ABLIM2: variants seen among roughly 807,000 people sequenced by gnomAD.
ABLIM2 encodes actin binding LIM protein family member 2, also known as actin-binding LIM protein 2.
In ABLIM2, 53 loss-of-function variants were observed where a neutral mutation model predicts 97.7. That is an observed-to-expected ratio of 0.54 (90% CI 0.44 to 0.68). The LOEUF (loss-of-function observed/expected upper bound fraction) is 0.68, where lower values mean the gene tolerates loss of function less well. ABLIM2 is among the 30% of genes least tolerant of loss of function. ABLIM2 has a pLI of 0.00. For synonymous variants in ABLIM2, 361 were observed against 345.8 expected (o/e 1.04, Z -0.49); for missense variants, 835 against 867.2 (o/e 0.96, Z 0.47).
intron 14 of ABLIM2, among the ~76,000 whole-genome samples, chr4:8,011,051 C>T (rs1173075559): frequency 1.3e-5 from 2 of 152,220 alleles, no homozygotes; most frequent in African/African-American, 4.8e-5. Context: ...TTGGAATAAT[C>T]TGCACGTGCA....
chr4:8,045,414 G>A (rs988123893), intron 8 of ABLIM2, among the ~76,000 whole-genome samples, 173 bp from the exon 9 acceptor site: 2 of 152,246 alleles, frequency 1.3e-5, no homozygotes, highest in Non-Finnish European at 2.9e-5. Flanking sequence ...ACTTTGGGAG[G>A]CTGAGGTGGG....
At chr4:8,094,164 C>T (rs1373145798) in intron 3 of ABLIM2, among the ~76,000 whole-genome samples, 4 of 152,122 alleles carry the variant, frequency 2.6e-5, no homozygotes, top group African/African-American at 9.7e-5. Flanking sequence ...TCTACAAGTA[C>T]CAGTGGTTTC....
At chr4:8,143,573 T>G (rs1851351603) in intron 1 of ABLIM2, among the ~76,000 whole-genome samples, 1 of 152,120 alleles carries the variant, frequency 6.6e-6, no homozygotes. Flanking sequence ...TCCTACTTGG[T>G]TGGATGTCAC....
intron 11 of ABLIM2, among the ~76,000 whole-genome samples, chr4:8,028,569 GCTCA>G (rs1028455031): frequency 4.0e-5 from 6 of 151,140 alleles, no homozygotes; most frequent in African/African-American, 1.2e-4. Flanking sequence ...TCATTCACTT[GCTCA>G]CTCACTCATT....
chr4:8,111,803 G>A (rs530936747), intron 1 of ABLIM2, among the ~76,000 whole-genome samples: 1 of 151,912 alleles, frequency 6.6e-6, no homozygotes, highest in Admixed American at 6.6e-5. Flanking sequence ...GTACACACCT[G>A]TAATCCCAGC....
At position 8,111,254 on chromosome 4, in the gene ABLIM2, C is replaced by T. The variant is rs186579119; in HGVS notation, c.11-4617G>A. Among the ~76,000 whole-genome samples the T allele has an allele frequency of 1.4e-4, 22 of 152,362 alleles. No homozygotes were observed. The East Asian group carries it at 3.9e-3, about 27-fold the overall frequency. On this transcript the variant is annotated intron_variant, in intron 1 of 20. Transcript: ENST00000447017. ...GGAAGAAGCCTGGAAAGGCTATGCC[C>T]TGCAGGATTCCAATTATGTGACATG... is the stretch of plus-strand genomic sequence containing the variant.
chr4:7,987,630 C>G (rs1745453004), intron 17 of ABLIM2, among the ~76,000 whole-genome samples: 1 of 152,200 alleles, frequency 6.6e-6, no homozygotes, highest in Non-Finnish European at 1.5e-5. Context: ...GCACCACCTT[C>G]ACCTTGGACG....
Position 8,044,767 on chromosome 4 carries a change from T to C in ABLIM2, c.900+397A>G, listed in dbSNP as rs974058511. 9.2e-5 allele frequency among the ~76,000 whole-genome samples: 14 copies of C among 151,918 alleles called. No homozygotes were observed. Among genetic ancestry groups the C allele is most frequent in the East Asian group, 1.9e-4 (1 of 5,164 alleles). On this transcript the variant is annotated intron_variant, in intron 9 of 20. Transcript: ENST00000447017. The surrounding 1 kb of genome is among the most constrained non-coding windows in gnomAD (Gnocchi z 4.4). ...TTTTAGGGAACACGCTGGGAGAGCG[T>C]GCGTGTTGATGTACACAGATCCGTG...
rs1759391901 is a variant in ABLIM2, at chr4:8,004,135, C to T, written c.1618+3924G>A. On this transcript the variant is annotated intron_variant, in intron 16 of 20. Transcript: ENST00000447017. This position sits in a 1 kb window ranked among gnomAD's most constrained non-coding sequence, Gnocchi z 5.9. ...CACCTTCCCTTCCACAGAAAAGCTG[C>T]AGCAGGGTCGCTGTCTCCTAACCCT... Among the ~76,000 whole-genome samples the T allele has an allele frequency of 7.2e-6, 1 of 139,806 alleles. No homozygotes were observed. The highest frequency in any genetic ancestry group is 2.9e-5 in the African/African-American group (1 of 35,036). The allele number at this position is 139,806 out of a possible 152,430, so 91.7% of individuals were successfully genotyped here.
At chr4:8,081,830 G>C (rs1240976819) in intron 4 of ABLIM2, among the ~76,000 whole-genome samples, 1 of 152,176 alleles carries the variant, frequency 6.6e-6, no homozygotes, top group African/African-American at 2.4e-5. Context: ...CTGGGACGGA[G>C]CAGGGCCCAC....
chr4:8,099,839 C>T (rs1393745851), intron 2 of ABLIM2, among the ~76,000 whole-genome samples: 1 of 152,060 alleles, frequency 6.6e-6, no homozygotes, highest in Non-Finnish European at 1.5e-5. Flanking sequence ...AGTGAGACTC[C>T]ATCTCAAAAC....
intron 1 of ABLIM2, among the ~76,000 whole-genome samples, chr4:8,141,670 A>T (rs1160151873): frequency 6.6e-6 from 1 of 152,188 alleles, no homozygotes; most frequent in Non-Finnish European, 1.5e-5. Context: ...GAATGAGCAC[A>T]CAGTTCTGCT....
At chr4:8,028,040 A>T (rs1271132767) in intron 11 of ABLIM2, among the ~76,000 whole-genome samples, 183 bp from the exon 12 acceptor site, 1 of 152,230 alleles carries the variant, frequency 6.6e-6, no homozygotes, top group Non-Finnish European at 1.5e-5. Flanking sequence ...GAGCGAGGAA[A>T]CCGGACCTCA....
chr4:7,977,210 T>C (rs1213245300), intron 20 of ABLIM2, among the ~76,000 whole-genome samples: 1 of 152,210 alleles, frequency 6.6e-6, no homozygotes, highest in Non-Finnish European at 1.5e-5. Flanking sequence ...ATGTAAGATG[T>C]GCCTTGCTTC....
intron 1 of ABLIM2, among the ~76,000 whole-genome samples, chr4:8,119,413 C>T (rs540332655): frequency 2.8e-4 from 43 of 151,088 alleles, no homozygotes; most frequent in African/African-American, 8.5e-4. Flanking sequence ...GTGCAACCTC[C>T]GCTTCATGGG....
At chr4:7,983,366 G>A (rs1408392973) in intron 19 of ABLIM2, 22 bp from the exon 20 acceptor site, 4 of 1,607,662 alleles carry the variant, frequency 2.5e-6, no homozygotes, top group Non-Finnish European at 3.4e-6. Flanking sequence ...GGAAACCACA[G>A]GGTCACCTCA....
chr4:8,106,529 T>C lies in ABLIM2; in HGVS notation c.119A>G (p.Asp40Gly), dbSNP rs1157553571. ...VCKGEVLRVQDKYFHIKCFVC... is the reference protein window; with the variant it reads ...VCKGEVLRVQGKYFHIKCFVC... The stretch of plus-strand genomic sequence containing the variant: ...GAAGCACTTGATGTGGAAGTACTTG[T>C]CCTGCACCCGCAGCACCTCGCCCTT... The change falls in exon 2 of 21, where the codon GAC becomes GGC. Residue 40 changes from aspartate (D) to glycine (G), a missense_variant. Asp to Gly is a moderately conservative substitution (Grantham distance 94). Transcript: ENST00000447017. 1 of 1,602,006 alleles carries C rather than the reference T, an allele frequency of 6.2e-7. No homozygotes were observed. The highest frequency in any genetic ancestry group is 8.5e-7 in the Non-Finnish European group (1 of 1,174,626).
chr4:8,152,390 C>T (rs1440020697), intron 1 of ABLIM2, among the ~76,000 whole-genome samples: 1 of 152,236 alleles, frequency 6.6e-6, no homozygotes, highest in Non-Finnish European at 1.5e-5. Context: ...GGTAGAGATG[C>T]CACCGGCCGC....
chr4:7,984,983 G>T, intron 17 of ABLIM2, 90 bp from the exon 18 acceptor site: 1 of 1,401,592 alleles, frequency 7.1e-7, no homozygotes, highest in Non-Finnish European at 9.8e-7. Flanking sequence ...CCCCTTGGAG[G>T]CCGAGGTCCT....
Sources: allele counts gnomAD v4.1 joint callset (sites outside exome capture counted in the v4.1 genomes callset), GRCh38; gene constraint gnomAD v4.1.1; non-coding constraint Gnocchi (gnomAD v3.1); transcripts MANE v1.5; gene names NCBI Gene and HGNC (gene_info 2026-07-23, HGNC 2026-07-21).